Variants in PTPRG observed in about 807,000 individuals in gnomAD.
The protein encoded by PTPRG is protein tyrosine phosphatase receptor type G.
In PTPRG, 102 loss-of-function variants were observed where a neutral mutation model predicts 165.3. That is an observed-to-expected ratio of 0.62 (90% CI 0.53 to 0.73). PTPRG has a LOEUF of 0.73. Ranked by LOEUF, PTPRG falls within the 30% of genes least tolerant of loss-of-function variation. PTPRG has a pLI of 0.00. For synonymous variants in PTPRG, 675 were observed against 669.5 expected, an observed-to-expected ratio of 1.01 and a Z score of -0.13; for missense variants, 1,866 against 1,861.4, an observed-to-expected ratio of 1.00 and a Z score of -0.05.
intron 28 of PTPRG, among the ~76,000 whole-genome samples, chr3:62,283,945 TC>T (rs1402681026): frequency 1.3e-5 from 2 of 151,476 alleles, no homozygotes; most frequent in African/African-American, 4.9e-5. Flanking sequence ...TAGCATAAGA[TC>T]AATGGAAATG....
At chr3:61,663,545 C>A (rs981687343) in intron 1 of PTPRG, among the ~76,000 whole-genome samples, 1 of 152,182 alleles carries the variant, frequency 6.6e-6, no homozygotes, top group African/African-American at 2.4e-5. Flanking sequence ...ACAATTTTTC[C>A]ATGGACCGGG....
chr3:61,786,847 C>G (rs2034719377), intron 2 of PTPRG, among the ~76,000 whole-genome samples: 2 of 152,140 alleles, frequency 1.3e-5, no homozygotes, highest in Admixed American at 6.5e-5. Context: ...AAATGTCCCA[C>G]TGGAAATAGA....
intron 18 of PTPRG, 43 bp downstream of exon 18, chr3:62,267,535 A>C (rs775320152): frequency 7.1e-6 from 11 of 1,550,018 alleles, no homozygotes; most frequent in South Asian, 1.2e-5. Context: ...TAGAAATTGA[A>C]GACTGCAGCA....
At chr3:61,983,602 T>G (rs2040690321) in intron 2 of PTPRG, among the ~76,000 whole-genome samples, 2 of 152,268 alleles carry the variant, frequency 1.3e-5, no homozygotes, top group African/African-American at 4.8e-5. Context: ...TCAAGGTACA[T>G]GCTTATTTTC....
At chr3:62,124,430 C>T in intron 5 of PTPRG, 1 of 1,613,916 alleles carries the variant, frequency 6.2e-7, no homozygotes, top group South Asian at 1.1e-5. Flanking sequence ...TTCCATCTTG[C>T]TCACATTCTT....
At chr3:61,652,745 G>A (rs552306475) in intron 1 of PTPRG, among the ~76,000 whole-genome samples, 1 of 152,282 alleles carries the variant, frequency 6.6e-6, no homozygotes, top group South Asian at 2.1e-4. Context: ...TGCATTGTAG[G>A]ATGTGTAGTA....
intron 4 of PTPRG, among the ~76,000 whole-genome samples, chr3:62,059,087 T>G (rs1488098141): frequency 6.6e-6 from 1 of 152,192 alleles, no homozygotes. Flanking sequence ...GATCCCTAAC[T>G]GTTCACCAGC....
intron 6 of PTPRG, among the ~76,000 whole-genome samples, chr3:62,139,294 A>T (rs1375198273): frequency 6.6e-6 from 1 of 152,008 alleles, no homozygotes; most frequent in Non-Finnish European, 1.5e-5. Context: ...TTGAAACCCC[A>T]TCTCTACTAC....
chr3:61,979,986 C>G (rs1453550190), intron 2 of PTPRG, among the ~76,000 whole-genome samples: 2 of 151,960 alleles, frequency 1.3e-5, no homozygotes, highest in African/African-American at 4.8e-5. Context: ...AGACCCTCAG[C>G]CCTCCTAAAC....
At chr3:62,111,240 G>A (rs192843230) in intron 5 of PTPRG, among the ~76,000 whole-genome samples, 5 of 152,292 alleles carry the variant, frequency 3.3e-5, no homozygotes, top group Non-Finnish European at 5.9e-5. Context: ...TGCGGAGCTC[G>A]GAAACTGTTG....
intron 1 of PTPRG, among the ~76,000 whole-genome samples, chr3:61,633,549 T>C (rs1017451270): frequency 1.3e-4 from 20 of 152,376 alleles, no homozygotes; most frequent in African/African-American, 4.6e-4. Flanking sequence ...TCCTTCAACC[T>C]TGATGAACTC....
intron 2 of PTPRG, among the ~76,000 whole-genome samples, chr3:61,925,081 A>G (rs913925083): frequency 2.6e-5 from 4 of 152,232 alleles, no homozygotes; most frequent in African/African-American, 7.2e-5. Context: ...ATAAATTTCT[A>G]TTAGTTAAGC....
Position 61,651,830 on chromosome 3 carries a change from C to T in PTPRG, c.85+89458C>T, listed in dbSNP as rs143546317. 2.4e-3 allele frequency among the ~76,000 whole-genome samples: 363 copies of T among 151,142 alleles called. 2 individuals are homozygous for T. The highest frequency in any genetic ancestry group is 7.6e-3 in the African/African-American group (311 of 41,106). The stretch of plus-strand genomic sequence containing the variant: ...TTTAAGACCAGCCTGGCCAACCTGG[C>T]GAAACCCCGTCTCTACTAAAAATAC... On this transcript the variant is annotated intron_variant, in intron 1 of 29. Coordinates refer to ENST00000474889, the MANE Select transcript of PTPRG (RefSeq NM_002841.4).
chr3:62,225,213 A>T (rs192955044), intron 13 of PTPRG, among the ~76,000 whole-genome samples: 42 of 152,346 alleles, frequency 2.8e-4, no homozygotes, highest in Non-Finnish European at 5.7e-4. Context: ...AGAGCTTCGC[A>T]TCCCCTGCCT....
chr3:61,844,798 T>G (rs2036759902), intron 2 of PTPRG, among the ~76,000 whole-genome samples: 2 of 152,086 alleles, frequency 1.3e-5, no homozygotes, highest in Non-Finnish European at 2.9e-5. Flanking sequence ...CCACCACACC[T>G]GGCCAGCATC....
At chr3:62,176,679 C>A (rs1705439220) in intron 8 of PTPRG, among the ~76,000 whole-genome samples, 1 of 152,054 alleles carries the variant, frequency 6.6e-6, no homozygotes, top group Non-Finnish European at 1.5e-5. Context: ...GGGTATTGGT[C>A]ACAGGGTTAG....
At chr3:62,189,958 C>T (rs1037126926) in intron 8 of PTPRG, among the ~76,000 whole-genome samples, 3 of 152,186 alleles carry the variant, frequency 2.0e-5, no homozygotes, top group Non-Finnish European at 4.4e-5. Context: ...CTCCCACCCC[C>T]TTCATCTCCA....
Position 61,761,293 on chromosome 3 carries a change from C to G in PTPRG, c.190+12311C>G, listed in dbSNP as rs572038861. Among the ~76,000 whole-genome samples, 7 of 152,240 alleles carry G rather than the reference C, an allele frequency of 4.6e-5. No homozygotes were observed. In the South Asian group the frequency reaches 1.5e-3, roughly 32 times the overall value. On this transcript the variant is annotated intron_variant, in intron 2 of 29. Coordinates refer to ENST00000474889, the MANE Select transcript of PTPRG (RefSeq NM_002841.4). ...TCTTGACTTTCTAATCATCATCATT[C>G]TGGTCAGGCATGGTGGCTCACGCCT...
chr3:61,943,194 T>G (rs944297007), intron 2 of PTPRG, among the ~76,000 whole-genome samples: 1 of 152,182 alleles, frequency 6.6e-6, no homozygotes, highest in East Asian at 1.9e-4. Flanking sequence ...GGAATTGCAT[T>G]AGGGGTTGGA....
Sources: gnomAD v4.1 joint callset for allele counts (sites outside exome capture counted in the v4.1 genomes callset) on GRCh38, gnomAD v4.1.1 for gene constraint, MANE v1.5 for transcripts, NCBI Gene and HGNC (gene_info 2026-07-23, HGNC 2026-07-21) for gene names.